The following CDK6 variants were observed in gnomAD, a reference collection of about 807,000 sequenced individuals.
The protein encoded by CDK6 is cyclin-dependent kinase 6.
CDK6 carries 6 observed loss-of-function variants against 37.1 expected under a neutral mutation model. That is an observed-to-expected ratio of 0.16 (90% CI 0.09 to 0.32). The LOEUF is 0.32. CDK6 is among the 10% of genes least tolerant of loss of function. The pLI is 1.00. For missense variants in CDK6, 224 were observed against 418.9 expected (o/e 0.53, Z 4.06); for synonymous variants, 160 against 161.3 (o/e 0.99, Z 0.06).
intron 4 of CDK6, among the ~76,000 whole-genome samples, chr7:92,676,372 T>G (rs555920020): frequency 6.6e-6 from 1 of 152,182 alleles, no homozygotes; most frequent in Non-Finnish European, 1.5e-5. Flanking sequence ...CAATTTCTAC[T>G]TGGTAGGATT....
Position 92,835,717 on chromosome 7 carries a change from C to G in CDK6, c.-368+761G>C, listed in dbSNP as rs1047370018. The stretch of plus-strand genomic sequence containing the variant: ...CGCCACCAGCACAGCGACAAGAGGC[C>G]ACACCGGGGACCGCGACTCCCGCGT... On this transcript the variant is annotated intron_variant, in intron 1 of 7. Coordinates refer to ENST00000424848, the MANE Select transcript of CDK6 (RefSeq NM_001145306.2). The surrounding 1 kb of genome is among the most constrained non-coding windows in gnomAD (Gnocchi z 4.2). 4.6e-5 allele frequency among the ~76,000 whole-genome samples: 7 copies of G among 152,336 alleles called. No individual in the cohort carries two copies. The South Asian group carries it at 1.2e-3, about 27-fold the overall frequency.
chr7:92,825,672 A>C (rs2115999933), intron 2 of CDK6, among the ~76,000 whole-genome samples: 1 of 152,292 alleles, frequency 6.6e-6, no homozygotes, highest in African/African-American at 2.4e-5. Flanking sequence ...GGAAGGTTTT[A>C]CCTAATTCTG....
intron 5 of CDK6, among the ~76,000 whole-genome samples, chr7:92,667,958 CA>C (rs1333615126): frequency 2.6e-5 from 4 of 152,146 alleles, no homozygotes; most frequent in Non-Finnish European, 4.4e-5. Context: ...CCTAAGTGTA[CA>C]GTGTTTATAA....
intron 3 of CDK6, among the ~76,000 whole-genome samples, chr7:92,762,425 C>T (rs1799478783): frequency 6.6e-6 from 1 of 152,102 alleles, no homozygotes; most frequent in Non-Finnish European, 1.5e-5. Flanking sequence ...TTTATACCAT[C>T]TTAGTCTCAA....
intron 5 of CDK6, among the ~76,000 whole-genome samples, chr7:92,665,285 A>G (rs1796932328): frequency 6.6e-6 from 1 of 152,034 alleles, no homozygotes; most frequent in Non-Finnish European, 1.5e-5. Context: ...CCATCCATCC[A>G]TCCATCCATC....
chr7:92,797,166 C>A (rs1419889283), intron 2 of CDK6, among the ~76,000 whole-genome samples: 1 of 152,132 alleles, frequency 6.6e-6, no homozygotes. Flanking sequence ...GTGAATGAAA[C>A]TTCCTCTCCT....
Position 92,606,761 on chromosome 7 carries a change from C to T in CDK6, c.*8379G>A. 4.3e-6 allele frequency: 1 copy of T among 233,028 alleles called. No homozygotes were observed. Among genetic ancestry groups the T allele is most frequent in the Non-Finnish European group, 8.5e-6 (1 of 118,000 alleles). 14.4% of individuals were successfully genotyped at this position (233,028 alleles called of 1,614,324 possible). A position where few individuals can be genotyped will look rare whatever the true frequency, so the allele number is the denominator to read the frequency against. ...ACCAGGCCCTATGGCAATGCAGAAA[C>T]ACTAATACATTTTACAGTGAAAACC... On this transcript the variant is annotated 3_prime_UTR_variant, in exon 8 of 8. Transcript: ENST00000424848.
intron 2 of CDK6, among the ~76,000 whole-genome samples, chr7:92,831,088 C>T (rs192152826): frequency 1.9e-4 from 29 of 152,252 alleles, no homozygotes; most frequent in Middle Eastern, 3.4e-3. Context: ...CACCTTAACA[C>T]GTAAAAATAA....
chr7:92,779,148 T>C (rs1799924412), intron 2 of CDK6, among the ~76,000 whole-genome samples: 1 of 152,026 alleles, frequency 6.6e-6, no homozygotes, highest in Non-Finnish European at 1.5e-5. Context: ...CATGACACAA[T>C]TTAAAAATAA....
chr7:92,811,383 G>A (rs1445592764), intron 2 of CDK6, among the ~76,000 whole-genome samples: 2 of 152,072 alleles, frequency 1.3e-5, no homozygotes, highest in African/African-American at 4.8e-5. Flanking sequence ...ACACGTGGCT[G>A]AAAATATTTA....
intron 5 of CDK6, among the ~76,000 whole-genome samples, chr7:92,655,612 T>G (rs568526526): frequency 5.9e-5 from 9 of 152,356 alleles, no homozygotes; most frequent in African/African-American, 1.9e-4. Context: ...GCAAACACAT[T>G]TGGCACGCTC....
chr7:92,730,249 T>C (rs1244019995), intron 3 of CDK6, among the ~76,000 whole-genome samples: 1 of 152,212 alleles, frequency 6.6e-6, no homozygotes, highest in Non-Finnish European at 1.5e-5. Flanking sequence ...AAACAGGACA[T>C]ATCCAACTTG....
chr7:92,797,042 G>A (rs1022636908), intron 2 of CDK6, among the ~76,000 whole-genome samples: 1 of 152,180 alleles, frequency 6.6e-6, no homozygotes, highest in African/African-American at 2.4e-5. Context: ...AGACTAGGCT[G>A]TGATGACAAC....
At chr7:92,804,977 A>G (rs1800686414) in intron 2 of CDK6, among the ~76,000 whole-genome samples, 1 of 152,236 alleles carries the variant, frequency 6.6e-6, no homozygotes, top group Non-Finnish European at 1.5e-5. Flanking sequence ...TGTTTGTATA[A>G]TTCTAGGTTC....
chr7:92,643,938 C>T (rs144797415), intron 5 of CDK6, among the ~76,000 whole-genome samples: 89 of 152,302 alleles, frequency 5.8e-4, no homozygotes, highest in Non-Finnish European at 1.1e-3. Flanking sequence ...ATGGAATTGT[C>T]ATATCAGCTT....
intron 5 of CDK6, among the ~76,000 whole-genome samples, chr7:92,640,478 A>C (rs1796278282): frequency 1.3e-5 from 2 of 152,216 alleles, no homozygotes; most frequent in African/African-American, 4.8e-5. Context: ...GTCTATCCCA[A>C]CTTGGAGCTT....
At chr7:92,723,085 A>AGAATC (rs1256654216) in intron 4 of CDK6, among the ~76,000 whole-genome samples, 1 of 152,198 alleles carries the variant, frequency 6.6e-6, no homozygotes, top group Non-Finnish European at 1.5e-5. Flanking sequence ...CTGAGACACG[A>AGAATC]GAATCGCTTG....
chr7:92,719,155 G>A (rs970711559), intron 4 of CDK6, among the ~76,000 whole-genome samples: 4 of 152,078 alleles, frequency 2.6e-5, no homozygotes, highest in African/African-American at 9.7e-5. Flanking sequence ...TAAGTTCCAG[G>A]GTACATGTGC....
At chr7:92,665,239 T>A (rs1796930224) in intron 5 of CDK6, among the ~76,000 whole-genome samples, 1 of 151,978 alleles carries the variant, frequency 6.6e-6, no homozygotes, top group Admixed American at 6.6e-5. Context: ...GCTGTATAGT[T>A]AAAAATCAAT....
Sources: allele counts gnomAD v4.1 joint callset (sites outside exome capture counted in the v4.1 genomes callset), GRCh38; gene constraint gnomAD v4.1.1; non-coding constraint Gnocchi (gnomAD v3.1); transcripts MANE v1.5; gene names NCBI Gene and HGNC (gene_info 2026-07-23, HGNC 2026-07-21).